The following METTL15 variants were observed in gnomAD, a reference collection of about 807,000 sequenced individuals.
The protein encoded by METTL15 is methyltransferase 15, mitochondrial 12S rRNA N4-cytidine.
A neutral mutation model predicts 38.3 loss-of-function variants in METTL15; 34 were observed. The observed-to-expected ratio is 0.89, with a 90% CI of 0.68 to 1.18. The LOEUF (loss-of-function observed/expected upper bound fraction) is 1.18, where lower values mean the gene tolerates loss of function less well. Ranked by LOEUF, METTL15 falls within the 50% of genes most tolerant of loss-of-function variation. METTL15 has a pLI of 0.00. For synonymous variants in METTL15, 162 were observed against 170.9 expected, an observed-to-expected ratio of 0.95 and a Z score of 0.41; for missense variants, 438 against 498.4, an observed-to-expected ratio of 0.88 and a Z score of 1.15.
chr11:28,281,575 C>A (rs1006311667), intron 4 of METTL15, among the ~76,000 whole-genome samples: 1 of 152,152 alleles, frequency 6.6e-6, no homozygotes, highest in Non-Finnish European at 1.5e-5. Flanking sequence ...GTTTTGCTCT[C>A]TGGAAGAGTT....
chr11:28,519,947 T>A (rs970157802), intron 6 of METTL15, among the ~76,000 whole-genome samples: 5 of 152,102 alleles, frequency 3.3e-5, no homozygotes, highest in African/African-American at 1.2e-4. Context: ...CACGGCTGAT[T>A]CTCCTTAAAG....
In METTL15 at chr11:28,495,987, G is replaced by A. The variant is rs183774000; in HGVS notation, c.*425-30491G>A. ...AGATATCCTGAATGCATGGGGGTCC[G>A]TTTCAAACATTTTTTTAGTGTTACC... On this transcript the variant is annotated intron_variant and NMD_transcript_variant, in intron 6 of 7. Coordinates refer to the METTL15 transcript ENST00000532947. Among the ~76,000 whole-genome samples the A allele has an allele frequency of 4.6e-5, 7 of 152,212 alleles. No individual in the cohort carries two copies. In the East Asian group the frequency reaches 5.8e-4, roughly 13 times the overall value.
chr11:28,473,559 G>A (rs1851319596), intron 6 of METTL15, among the ~76,000 whole-genome samples: 1 of 152,088 alleles, frequency 6.6e-6, no homozygotes, highest in Non-Finnish European at 1.5e-5. Context: ...CATGTTACAA[G>A]AAGTCATGAC....
At chr11:28,428,011 G>T (rs1482563943) in intron 6 of METTL15, among the ~76,000 whole-genome samples, 1 of 152,098 alleles carries the variant, frequency 6.6e-6, no homozygotes, top group Non-Finnish European at 1.5e-5. Context: ...CCAGATTTGG[G>T]GCAATTTATT....
chr11:28,439,427 C>T (rs532743015), intron 6 of METTL15, among the ~76,000 whole-genome samples: 1 of 152,310 alleles, frequency 6.6e-6, no homozygotes, highest in East Asian at 1.9e-4. Flanking sequence ...ATGTGCTTCA[C>T]GAGAGCTCAA....
intron 4 of METTL15, among the ~76,000 whole-genome samples, chr11:28,253,797 A>G (rs1292712768): frequency 3.3e-5 from 5 of 152,130 alleles, no homozygotes; most frequent in African/African-American, 1.2e-4. Context: ...TGGTATTGCA[A>G]ATGACACAAT....
At chr11:28,178,484 A>G (rs1851159597) in intron 3 of METTL15, among the ~76,000 whole-genome samples, 1 of 151,738 alleles carries the variant, frequency 6.6e-6, no homozygotes. Flanking sequence ...ATTGTGTTTG[A>G]TATATGTTGC....
chr11:28,236,347 T>G (rs1489371787), intron 4 of METTL15, among the ~76,000 whole-genome samples: 2 of 152,190 alleles, frequency 1.3e-5, no homozygotes, highest in East Asian at 3.9e-4. Context: ...GGATTCCCTC[T>G]TTTTCTATTG....
chr11:28,264,141 T>C lies in METTL15; in HGVS notation c.408-26065T>C, dbSNP rs146927761. Among the ~76,000 whole-genome samples, 833 of 152,270 alleles carry C rather than the reference T, an allele frequency of 5.5e-3. 9 individuals are homozygous for C. Among genetic ancestry groups the C allele is most frequent in the African/African-American group, 0.018 (763 of 41,566 alleles). On this transcript the variant is annotated intron_variant, in intron 4 of 6. Transcript: ENST00000407364. ...CCCGTTCAAATCTTGTGATTCACATTGTGGAAAGAAAACTCTTTTAAAAAC... is the reference window on the plus strand; with the variant it reads ...CCCGTTCAAATCTTGTGATTCACATCGTGGAAAGAAAACTCTTTTAAAAAC...
intron 4 of METTL15, among the ~76,000 whole-genome samples, chr11:28,231,104 C>G (rs1853666258): frequency 6.6e-6 from 1 of 151,822 alleles, no homozygotes; most frequent in African/African-American, 2.4e-5. Context: ...AATTCAATTC[C>G]AGACACTGTT....
At chr11:28,142,501 T>C (rs1029944120) in intron 3 of METTL15, among the ~76,000 whole-genome samples, 1 of 152,192 alleles carries the variant, frequency 6.6e-6, no homozygotes, top group African/African-American at 2.4e-5. Context: ...AGATAACTTT[T>C]TGATTTGGTG....
chr11:28,146,560 T>C (rs1478073133), intron 3 of METTL15, among the ~76,000 whole-genome samples: 1 of 152,002 alleles, frequency 6.6e-6, no homozygotes, highest in Non-Finnish European at 1.5e-5. Context: ...GATTTTTATT[T>C]TTTAGAATCC....
chr11:28,295,558 C>T (rs1856700413), intron 5 of METTL15, among the ~76,000 whole-genome samples: 1 of 151,766 alleles, frequency 6.6e-6, no homozygotes, highest in Non-Finnish European at 1.5e-5. Flanking sequence ...CTGAGATTTG[C>T]CTTTGTACTC....
At chr11:28,490,646 A>G (rs987869355) in intron 6 of METTL15, among the ~76,000 whole-genome samples, 16 of 152,134 alleles carry the variant, frequency 1.1e-4, no homozygotes, top group Admixed American at 1.0e-3. Flanking sequence ...GTCGAGCACC[A>G]CTAATTTAAT....
At chr11:28,337,528 T>G (rs1849912096), downstream of METTL15, among the ~76,000 whole-genome samples, 1 of 152,098 alleles carries the variant, frequency 6.6e-6, no homozygotes, top group Non-Finnish European at 1.5e-5. Context: ...AAAAATATTT[T>G]TTATATATTT....
At chr11:28,244,702 A>T (rs1854439285) in intron 4 of METTL15, among the ~76,000 whole-genome samples, 2 of 152,312 alleles carry the variant, frequency 1.3e-5, no homozygotes, top group Admixed American at 1.3e-4. Flanking sequence ...TCTGGGACAA[A>T]GGTATACACT....
At chr11:28,490,423 C>A (rs557202322) in intron 6 of METTL15, among the ~76,000 whole-genome samples, 1 of 152,212 alleles carries the variant, frequency 6.6e-6, no homozygotes, top group East Asian at 1.9e-4. Context: ...CTACTGTTGG[C>A]TTCACATATT....
chr11:28,178,651 G>A (rs989511159), intron 3 of METTL15, among the ~76,000 whole-genome samples: 1 of 151,696 alleles, frequency 6.6e-6, no homozygotes, highest in African/African-American at 2.4e-5. Flanking sequence ...TATGTGAAGT[G>A]TAACATTTAA....
chr11:28,409,943 G>A (rs1850710574), intron 5 of METTL15, among the ~76,000 whole-genome samples: 1 of 151,932 alleles, frequency 6.6e-6, no homozygotes, highest in Non-Finnish European at 1.5e-5. Flanking sequence ...ACATTACAAA[G>A]ATACATGAGA....
Sources: allele counts gnomAD v4.1 joint callset (sites outside exome capture counted in the v4.1 genomes callset), GRCh38; gene constraint gnomAD v4.1.1; transcripts MANE v1.5; gene names NCBI Gene and HGNC (gene_info 2026-07-23, HGNC 2026-07-21).